Variants in KCTD8 observed in about 807,000 individuals in gnomAD.
KCTD8 encodes BTB/POZ domain-containing protein KCTD8.
KCTD8 carries 27 observed loss-of-function variants against 31.5 expected under a neutral mutation model. That is an observed-to-expected ratio of 0.86 (90% CI 0.63 to 1.18). The LOEUF (loss-of-function observed/expected upper bound fraction) is 1.18, where lower values mean the gene tolerates loss of function less well. Ranked by LOEUF, KCTD8 falls within the 50% of genes most tolerant of loss-of-function variation. The pLI is 0.00. For synonymous variants in KCTD8, 290 were observed against 280.0 expected, an observed-to-expected ratio of 1.04 and a Z score of -0.36; for missense variants, 658 against 647.7, an observed-to-expected ratio of 1.02 and a Z score of -0.17.
In KCTD8 at chr4:44,297,953, T is replaced by G. The variant is rs116083004; in HGVS notation, c.962-122703A>C. 5.6e-3 allele frequency among the ~76,000 whole-genome samples: 856 copies of G among 152,278 alleles called. 11 individuals are homozygous for G. The highest frequency in any genetic ancestry group is 0.02 in the African/African-American group (821 of 41,568). ...ACAATAGGATCAACATCCTTTTCAT[T>G]GTACTTGTAATAATTGCTGCATCTA... is the stretch of plus-strand genomic sequence containing the variant. On this transcript the variant is annotated intron_variant, in intron 1 of 1. Transcript: ENST00000360029.
At chr4:44,247,405 C>G (rs927465045) in intron 1 of KCTD8, among the ~76,000 whole-genome samples, 4 of 151,798 alleles carry the variant, frequency 2.6e-5, no homozygotes, top group African/African-American at 9.7e-5. Flanking sequence ...TGTTCATTCA[C>G]CCCCCTAAAA....
At chr4:44,175,679 T>C (rs1195786469) in intron 1 of KCTD8, among the ~76,000 whole-genome samples, 1 of 152,210 alleles carries the variant, frequency 6.6e-6, no homozygotes, top group African/African-American at 2.4e-5. Context: ...GTATATATAT[T>C]CTGCCACTGT....
In KCTD8 at chr4:44,289,111, A is replaced by C. The variant is rs183980941; in HGVS notation, c.962-113861T>G. On this transcript the variant is annotated intron_variant, in intron 1 of 1. Transcript: ENST00000360029. ...CTATCTACCTCACAGGATGACTATG[A>C]GCTTTAAAGAAACTGATACATGTAA... 2.5e-3 allele frequency among the ~76,000 whole-genome samples: 384 copies of C among 151,792 alleles called. 1 individual carries two copies. Among genetic ancestry groups the C allele is most frequent in the African/African-American group, 8.5e-3 (354 of 41,496 alleles).
chr4:44,441,622 A>T (rs1168986125), intron 1 of KCTD8, among the ~76,000 whole-genome samples: 1 of 152,216 alleles, frequency 6.6e-6, no homozygotes, highest in Non-Finnish European at 1.5e-5. Context: ...CTTTGAAATA[A>T]GACAGAACTA....
intron 1 of KCTD8, among the ~76,000 whole-genome samples, chr4:44,304,673 A>G (rs989061459): frequency 6.6e-6 from 1 of 152,190 alleles, no homozygotes; most frequent in Admixed American, 6.5e-5. Context: ...GATATAATAA[A>G]TCATGGTTAG....
At chr4:44,305,548 A>G (rs1430834822) in intron 1 of KCTD8, among the ~76,000 whole-genome samples, 2 of 151,782 alleles carry the variant, frequency 1.3e-5, no homozygotes, top group Non-Finnish European at 2.9e-5. Context: ...AATATATAGT[A>G]TGAAAATACA....
chr4:44,412,900 C>T (rs1720995488), intron 1 of KCTD8, among the ~76,000 whole-genome samples: 2 of 152,144 alleles, frequency 1.3e-5, no homozygotes, highest in African/African-American at 4.8e-5. Flanking sequence ...TTCCAAAACA[C>T]AGAATAAAAC....
At chr4:44,241,548 TGGTC>T (rs1176615429) in intron 1 of KCTD8, among the ~76,000 whole-genome samples, 1 of 152,214 alleles carries the variant, frequency 6.6e-6, no homozygotes, top group Non-Finnish European at 1.5e-5. Flanking sequence ...TTGGACCAGG[TGGTC>T]TGGTTCCAAA....
At chr4:44,394,678 C>G (rs2109452371) in intron 1 of KCTD8, among the ~76,000 whole-genome samples, 1 of 152,084 alleles carries the variant, frequency 6.6e-6, no homozygotes, top group South Asian at 2.1e-4. Context: ...GTCGTATGTG[C>G]TATAAGACAG....
intron 1 of KCTD8, among the ~76,000 whole-genome samples, chr4:44,218,583 T>A (rs190127667): frequency 1.3e-5 from 2 of 148,316 alleles, no homozygotes; most frequent in Admixed American, 6.8e-5. Flanking sequence ...TCTATATATA[T>A]AAATATATAT....
At chr4:44,314,922 C>G (rs1355324277) in intron 1 of KCTD8, among the ~76,000 whole-genome samples, 5 of 150,182 alleles carry the variant, frequency 3.3e-5, no homozygotes, top group Admixed American at 6.6e-5. Context: ...TCCTCCTCCT[C>G]TACCTCAGAG....
chr4:44,294,142 A>G (rs1717362926), intron 1 of KCTD8, among the ~76,000 whole-genome samples: 2 of 152,184 alleles, frequency 1.3e-5, no homozygotes, highest in South Asian at 4.1e-4. Context: ...ATGATTTGAC[A>G]CATGCACGTT....
At chr4:44,266,083 C>A (rs1221129657) in intron 1 of KCTD8, among the ~76,000 whole-genome samples, 1 of 151,828 alleles carries the variant, frequency 6.6e-6, no homozygotes, top group African/African-American at 2.4e-5. Flanking sequence ...CTCCAAGACA[C>A]ATAATTGTCA....
chr4:44,313,606 T>C (rs148379213), intron 1 of KCTD8, among the ~76,000 whole-genome samples: 2 of 152,344 alleles, frequency 1.3e-5, no homozygotes, highest in African/African-American at 4.8e-5. Flanking sequence ...TTAACCCATC[T>C]AATAAGCCAG....
At position 44,448,020 on chromosome 4, in the gene KCTD8, G is replaced by A; in HGVS notation, c.504C>T (p.Asn168=). Residue 168 remains asparagine (N), a synonymous_variant, in exon 1 of 2, where the codon AAC becomes AAT. Coordinates refer to ENST00000360029, the MANE Select transcript of KCTD8 (RefSeq NM_198353.3). This position sits in a 1 kb window ranked among gnomAD's most constrained non-coding sequence, Gnocchi z 4.1. ...DEGCQSDLED[N]VSQGSSDALL... ...GCGCGTCGCTGCTACCCTGCGAGAC[G>A]TTGTCCTCCAGGTCGCTCTGGCAGC... 3 of 1,602,292 alleles carry A rather than the reference G, an allele frequency of 1.9e-6. No homozygotes were observed. The South Asian group carries it at 3.4e-5, about 18-fold the overall frequency.
At chr4:44,400,751 T>C (rs1231002423) in intron 1 of KCTD8, among the ~76,000 whole-genome samples, 2 of 149,258 alleles carry the variant, frequency 1.3e-5, no homozygotes, top group Non-Finnish European at 3.0e-5. Flanking sequence ...AAAAAAAAAT[T>C]AGCACTTTCA....
chr4:44,347,273 T>A (rs550567730), intron 1 of KCTD8, among the ~76,000 whole-genome samples: 1 of 152,342 alleles, frequency 6.6e-6, no homozygotes, highest in Non-Finnish European at 1.5e-5. Flanking sequence ...TTTCTCTTGT[T>A]AAGGTCCATG....
At chr4:44,316,455 G>T (rs909145086) in intron 1 of KCTD8, among the ~76,000 whole-genome samples, 1 of 151,704 alleles carries the variant, frequency 6.6e-6, no homozygotes, top group Non-Finnish European at 1.5e-5. Context: ...TGATGATGTT[G>T]TCTTCAGATG....
chr4:44,218,123 C>CT (rs1560397660), intron 1 of KCTD8, among the ~76,000 whole-genome samples: 2 of 136,602 alleles, frequency 1.5e-5, no homozygotes, highest in African/African-American at 5.7e-5. Context: ...TTTAAAATGT[C>CT]CTTTTTTTTT....
Sources: gnomAD v4.1 joint callset for allele counts (sites outside exome capture counted in the v4.1 genomes callset) on GRCh38, gnomAD v4.1.1 for gene constraint, Gnocchi (gnomAD v3.1) non-coding constraint, MANE v1.5 for transcripts, NCBI Gene and HGNC (gene_info 2026-07-23, HGNC 2026-07-21) for gene names.